Variants in TOP6BL observed in about 807,000 individuals in gnomAD.
TOP6BL encodes type 2 DNA topoisomerase 6 subunit B-like.
the TOP6BL span, among the ~76,000 whole-genome samples, chr11:66,769,625 A>G: frequency 2.6e-5 from 4 of 152,124 alleles, no homozygotes; most frequent in African/African-American, 9.7e-5. Context: ...CCCCAGTGTG[A>G]TAGTATTTGG....
the TOP6BL span, among the ~76,000 whole-genome samples, chr11:66,801,514 G>T: frequency 6.6e-6 from 1 of 152,266 alleles, no homozygotes; most frequent in African/African-American, 2.4e-5. Flanking sequence ...TCATCTCTCT[G>T]CCCATCTCCA....
At chr11:66,812,733 A>G in the TOP6BL span, among the ~76,000 whole-genome samples, 9 of 152,212 alleles carry the variant, frequency 5.9e-5, no homozygotes, top group Non-Finnish European at 1.0e-4. Context: ...GGGACAAGAA[A>G]GGTTAAGCAG....
the TOP6BL span, among the ~76,000 whole-genome samples, chr11:66,772,780 G>T: frequency 6.6e-6 from 1 of 152,150 alleles, no homozygotes; most frequent in Non-Finnish European, 1.5e-5. Flanking sequence ...ATTTTATTAA[G>T]AATTTTTGCA....
At chr11:66,787,291 A>T in the TOP6BL span, among the ~76,000 whole-genome samples, 3 of 152,138 alleles carry the variant, frequency 2.0e-5, no homozygotes, top group Admixed American at 2.0e-4. Flanking sequence ...TTAAAACATT[A>T]TGAGATATGT....
the TOP6BL span, among the ~76,000 whole-genome samples, chr11:66,825,910 C>T: frequency 6.6e-6 from 1 of 151,832 alleles, no homozygotes; most frequent in African/African-American, 2.4e-5. Flanking sequence ...GGCGCGATCT[C>T]AGCTCACTGC....
the TOP6BL span, chr11:66,758,078 A>G: frequency 2.1e-6 from 2 of 936,418 alleles, no homozygotes; most frequent in African/African-American, 1.8e-5. Flanking sequence ...TCCTATGGCA[A>G]TGATTCTTAG....
At chr11:66,821,328 C>A in the TOP6BL span, among the ~76,000 whole-genome samples, 1 of 150,936 alleles carries the variant, frequency 6.6e-6, no homozygotes, top group African/African-American at 2.4e-5. Flanking sequence ...CACTCTGTCA[C>A]CCAGGCTGGA....
the TOP6BL span, among the ~76,000 whole-genome samples, chr11:66,816,763 T>A: frequency 6.6e-6 from 1 of 152,122 alleles, no homozygotes; most frequent in African/African-American, 2.4e-5. Context: ...TTATTTTTTG[T>A]ATGGAGGTCT....
the TOP6BL span, among the ~76,000 whole-genome samples, chr11:66,826,669 T>TTTTTTTA: frequency 6.6e-6 from 1 of 151,874 alleles, no homozygotes; most frequent in African/African-American, 2.4e-5. Context: ...TCACTTCTTT[T>TTTTTTTA]TTTTTTATTT....
the TOP6BL span, chr11:66,788,405 C>A: frequency 6.5e-6 from 4 of 619,396 alleles, no homozygotes; most frequent in Admixed American, 2.9e-5. Flanking sequence ...CCCAAACTTG[C>A]CTGTGCAGAC....
the TOP6BL span, among the ~76,000 whole-genome samples, chr11:66,834,421 T>G: frequency 4.1e-3 from 628 of 152,268 alleles, 4 homozygotes; most frequent in African/African-American, 0.014. Flanking sequence ...AACTTGTTAG[T>G]GGTACAAGAG....
At chr11:66,764,681 A>G in the TOP6BL span, among the ~76,000 whole-genome samples, 55 of 142,844 alleles carry the variant, frequency 3.9e-4, no homozygotes, top group East Asian at 0.012. Flanking sequence ...AAAAAAAAAT[A>G]AAGAAGTGAA....
chr11:66,808,571 A>G, the TOP6BL span, among the ~76,000 whole-genome samples: 1 of 152,186 alleles, frequency 6.6e-6, no homozygotes, highest in African/African-American at 2.4e-5. Flanking sequence ...ATGAAAATGA[A>G]AGCAAAGTTT....
the TOP6BL span, among the ~76,000 whole-genome samples, chr11:66,747,034 T>C: frequency 1.3e-5 from 2 of 152,030 alleles, no homozygotes; most frequent in Non-Finnish European, 2.9e-5. Flanking sequence ...CCTCCCGAGT[T>C]CAAGCAATTC....
the TOP6BL span, chr11:66,788,137 T>A: frequency 6.5e-7 from 1 of 1,541,332 alleles, no homozygotes; most frequent in African/African-American, 1.4e-5. Flanking sequence ...TGTTTGACTT[T>A]GTTGCCATTT....
At chr11:66,758,991 A>G in the TOP6BL span, 13 of 1,342,776 alleles carry the variant, frequency 9.7e-6, no homozygotes, top group South Asian at 7.0e-5. Flanking sequence ...GATTCTTTCA[A>G]TAGAATGCAT....
the TOP6BL span, among the ~76,000 whole-genome samples, chr11:66,809,557 A>C: frequency 6.6e-6 from 1 of 152,186 alleles, no homozygotes; most frequent in African/African-American, 2.4e-5. Context: ...GACCTCTTAA[A>C]ATTTATTCAG....
At chr11:66,843,352 G>A in the TOP6BL span, 5 of 1,460,536 alleles carry the variant, frequency 3.4e-6, no homozygotes, top group East Asian at 1.3e-4. Flanking sequence ...CTTCCGCGTC[G>A]GGCCCGGGCG....
At chr11:66,759,317 G>A in the TOP6BL span, among the ~76,000 whole-genome samples, 2 of 152,126 alleles carry the variant, frequency 1.3e-5, no homozygotes, top group African/African-American at 4.8e-5. Context: ...CTGATTAAAA[G>A]ATGATCTATT....
Sources: gnomAD v4.1 joint callset for allele counts (sites outside exome capture counted in the v4.1 genomes callset) on GRCh38, gnomAD v4.1.1 for gene constraint, MANE v1.5 for transcripts, NCBI Gene and HGNC (gene_info 2026-07-23, HGNC 2026-07-21) for gene names.